TAF3: variants seen among roughly 807,000 people sequenced by gnomAD.
The protein encoded by TAF3 is transcription initiation factor TFIID subunit 3.
TAF3 carries 7 observed loss-of-function variants against 80.6 expected under a neutral mutation model. The observed-to-expected ratio is 0.09, with a 90% CI of 0.05 to 0.16. The LOEUF (loss-of-function observed/expected upper bound fraction) is 0.16, where lower values mean the gene tolerates loss of function less well. TAF3 is among the 10% of genes least tolerant of loss of function. The probability of loss-of-function intolerance (pLI) is 1.00; values close to 1 mark genes in which losing one functional copy is unlikely to be tolerated. For synonymous variants in TAF3, 444 were observed against 446.1 expected, an observed-to-expected ratio of 1.00 and a Z score of 0.06; for missense variants, 921 against 1,140.2, an observed-to-expected ratio of 0.81 and a Z score of 2.77.
chr10:7,965,184 A>G lies in TAF3; in HGVS notation c.1674A>G (p.Lys558=), dbSNP rs1315653606. ...AGGACAAAAGTAAGGAGAAGGATAA[A>G]GTGAAAGAGAAAGAGAAAGACAAGG... The part of the protein sequence containing the change: ...KNKDKSKEKD[K]VKEKEKDKET... The change falls in exon 3 of 7, where the codon AAA becomes AAG. Residue 558 remains lysine, a synonymous_variant. Transcript: ENST00000344293. The G allele has an allele frequency of 6.2e-7, 1 of 1,607,000 alleles. No homozygotes were observed. The highest frequency in any genetic ancestry group is 1.1e-5 in the South Asian group (1 of 88,978).
chr10:7,963,887 T>G, intron 2 of TAF3, 33 bp from the exon 3 acceptor site: 3 of 1,508,256 alleles, frequency 2.0e-6, no homozygotes, highest in Non-Finnish European at 2.7e-6. Flanking sequence ...CCAATAATAT[T>G]TATTTTTTTC....
intron 2 of TAF3, among the ~76,000 whole-genome samples, chr10:7,854,805 C>T (rs547278975): frequency 6.6e-6 from 1 of 152,270 alleles, no homozygotes; most frequent in East Asian, 1.9e-4. Flanking sequence ...TAGTATGTTA[C>T]AGTAGCATGG....
At position 7,964,793 on chromosome 10, in the gene TAF3, G is replaced by T. The variant is rs753079130; in HGVS notation, c.1283G>T (p.Gly428Val). The part of the protein sequence containing the change: ...DIFTSPKRIS[G>V]PECTTPKAST... ...TTTACTAGCCCTAAGAGAATTTCAG[G>T]CCCGGAGTGTACTACTCCCAAAGCT... is the stretch of plus-strand genomic sequence containing the variant. The change falls in exon 3 of 7, where the codon GGC becomes GTC. Residue 428 changes from glycine to valine, a missense_variant. This residue lies in a region of TAF3 where 743 missense variants were observed against 821.0 expected (regional missense o/e 0.90). Transcript: ENST00000344293. The surrounding 1 kb of genome is among the most constrained non-coding windows in gnomAD (Gnocchi z 4.1). 3 of 1,613,974 alleles carry T rather than the reference G, an allele frequency of 1.9e-6. No individual in the cohort carries two copies. The highest frequency in any genetic ancestry group is 2.2e-5 in the East Asian group (1 of 44,896).
At chr10:7,852,617 A>G (rs913562377) in intron 2 of TAF3, among the ~76,000 whole-genome samples, 8 of 152,240 alleles carry the variant, frequency 5.3e-5, no homozygotes, top group African/African-American at 1.4e-4. Flanking sequence ...TGGCAAGACT[A>G]CTTCATAGCT....
At chr10:7,884,545 C>T (rs1837390959) in intron 2 of TAF3, among the ~76,000 whole-genome samples, 1 of 152,062 alleles carries the variant, frequency 6.6e-6, no homozygotes, top group Admixed American at 6.6e-5. Flanking sequence ...CGCCACCATG[C>T]CTGGCTAATT....
At chr10:7,842,664 C>T (rs867493087) in intron 2 of TAF3, among the ~76,000 whole-genome samples, 7 of 152,088 alleles carry the variant, frequency 4.6e-5, no homozygotes, top group Non-Finnish European at 5.9e-5. Context: ...GTCATTGAAG[C>T]GTGACAGTTC....
chr10:7,843,023 A>C (rs1430715853), intron 2 of TAF3, among the ~76,000 whole-genome samples: 3 of 152,210 alleles, frequency 2.0e-5, no homozygotes, highest in African/African-American at 7.2e-5. Flanking sequence ...GCTAGGGCGT[A>C]GTCTGTGTCT....
At chr10:7,987,946 A>G (rs771236149) in intron 4 of TAF3, among the ~76,000 whole-genome samples, 4 of 151,956 alleles carry the variant, frequency 2.6e-5, no homozygotes, top group Non-Finnish European at 4.4e-5. Context: ...TAAGTGCACT[A>G]CTCATGTGAA....
chr10:7,986,008 T>G (rs1831773671), intron 4 of TAF3, among the ~76,000 whole-genome samples: 1 of 152,068 alleles, frequency 6.6e-6, no homozygotes, highest in South Asian at 2.1e-4. Flanking sequence ...GGCCTCAAAC[T>G]CCTGACCTCA....
rs1469843454 is a variant in TAF3 at position 7,985,814 on chromosome 10, C to T, written c.2315+8491C>T. ...TTTTTTTTTTTTTGAGACGGAATCT[C>T]ACTCTGTGGCCCAGGCTGAAGTGCA... On this transcript the variant is annotated intron_variant, in intron 4 of 6. Transcript: ENST00000344293. 5.2e-5 allele frequency among the ~76,000 whole-genome samples: 7 copies of T among 134,476 alleles called. No individual in the cohort carries two copies. In the East Asian group the frequency reaches 1.6e-3, roughly 31 times the overall value. The allele number at this position is 134,476 out of a possible 152,430, so 88.2% of individuals were successfully genotyped here.
chr10:7,939,279 T>C (rs1837953799), intron 2 of TAF3, among the ~76,000 whole-genome samples: 1 of 152,176 alleles, frequency 6.6e-6, no homozygotes, highest in Non-Finnish European at 1.5e-5. Context: ...GTCTCCACAC[T>C]GAACAGGTGA....
At chr10:7,930,471 C>G (rs1382310195) in intron 2 of TAF3, among the ~76,000 whole-genome samples, 1 of 152,156 alleles carries the variant, frequency 6.6e-6, no homozygotes, top group Non-Finnish European at 1.5e-5. Flanking sequence ...ACACAATCTT[C>G]TGGAACAAAA....
chr10:7,938,670 G>T (rs1171722985), intron 2 of TAF3, among the ~76,000 whole-genome samples: 1 of 152,188 alleles, frequency 6.6e-6, no homozygotes, highest in Admixed American at 6.5e-5. Context: ...AGTAGGAAAT[G>T]AAAGCAAATG....
chr10:7,881,867 A>C (rs1837365578), intron 2 of TAF3, among the ~76,000 whole-genome samples: 1 of 152,180 alleles, frequency 6.6e-6, no homozygotes, highest in Non-Finnish European at 1.5e-5. Context: ...AGAAAAGGAT[A>C]ACTGATTTTT....
chr10:7,881,482 T>TACAC (rs1457364131), intron 2 of TAF3, among the ~76,000 whole-genome samples: 2 of 135,536 alleles, frequency 1.5e-5, no homozygotes, highest in East Asian at 4.3e-4. Flanking sequence ...GACACACACA[T>TACAC]ACACACAAAC....
intron 4 of TAF3, among the ~76,000 whole-genome samples, chr10:7,978,745 T>C (rs1288950321): frequency 6.6e-6 from 1 of 152,260 alleles, no homozygotes; most frequent in Non-Finnish European, 1.5e-5. Context: ...AAGATGTTGT[T>C]ATCCATCATT....
At position 7,964,115 on chromosome 10, in the gene TAF3, G is replaced by C; in HGVS notation, c.605G>C (p.Gly202Ala). Residue 202 changes from glycine (G) to alanine (A), a missense_variant, in exon 3 of 7, where the codon GGG (glycine) becomes GCG (alanine). Gly to Ala is a moderately conservative substitution (Grantham distance 60). This residue lies in a region of TAF3 where 743 missense variants were observed against 821.0 expected (regional missense o/e 0.90). Coordinates refer to ENST00000344293, the MANE Select transcript of TAF3 (RefSeq NM_031923.4). This position sits in a 1 kb window ranked among gnomAD's most constrained non-coding sequence, Gnocchi z 4.1. ...MKRPRLLSTKGDTLDVVLLEA... is the reference protein window; with the variant it reads ...MKRPRLLSTKADTLDVVLLEA... ...CGGCCTCGGCTATTAAGCACTAAAG[G>C]GGACACGCTAGATGTTGTGTTATTG... is the stretch of plus-strand genomic sequence containing the variant. 1.9e-6 allele frequency: 3 copies of C among 1,613,998 alleles called. No homozygotes were observed. Among genetic ancestry groups the C allele is most frequent in the Non-Finnish European group, 1.7e-6 (2 of 1,179,988 alleles).
intron 1 of TAF3, among the ~76,000 whole-genome samples, chr10:7,821,477 C>T (rs1836690093): frequency 6.6e-6 from 1 of 152,110 alleles, no homozygotes; most frequent in Non-Finnish European, 1.5e-5. Context: ...TTCAAGAGTT[C>T]CAGAATGTCA....
intron 4 of TAF3, among the ~76,000 whole-genome samples, chr10:7,979,816 T>A: frequency 9.4e-5 from 1 of 10,622 alleles, no homozygotes. Flanking sequence ...TTTTGTGGGG[T>A]GGGGTGGTGG....
Sources: gnomAD v4.1 joint callset for allele counts (sites outside exome capture counted in the v4.1 genomes callset) on GRCh38, gnomAD v4.1.1 for gene constraint, gnomAD v4.1.1 regional missense constraint, Gnocchi (gnomAD v3.1) non-coding constraint, MANE v1.5 for transcripts, NCBI Gene and HGNC (gene_info 2026-07-23, HGNC 2026-07-21) for gene names.